Variants in PAPSS1 observed in about 807,000 individuals in gnomAD.
PAPSS1 encodes 3'-phosphoadenosine 5'-phosphosulfate synthase 1, also known as bifunctional 3'-phosphoadenosine 5'-phosphosulfate synthase 1.
In PAPSS1, 50 loss-of-function variants were observed where a neutral mutation model predicts 72.0. The observed-to-expected ratio is 0.69, with a 90% CI of 0.55 to 0.88. The LOEUF (loss-of-function observed/expected upper bound fraction) is 0.88, where lower values mean the gene tolerates loss of function less well. PAPSS1 is among the 40% of genes least tolerant of loss of function. The pLI is 0.00. For synonymous variants in PAPSS1, 261 were observed against 263.6 expected (o/e 0.99, Z 0.09); for missense variants, 657 against 782.2 (o/e 0.84, Z 1.91).
intron 1 of PAPSS1, among the ~76,000 whole-genome samples, chr4:107,704,638 T>C (rs1723289258): frequency 6.6e-6 from 1 of 152,200 alleles, no homozygotes; most frequent in South Asian, 2.1e-4. Flanking sequence ...TCTGTTAGTG[T>C]GGTGCATCAC....
intron 11 of PAPSS1, among the ~76,000 whole-genome samples, chr4:107,628,864 T>C (rs1007436532): frequency 1.3e-4 from 20 of 152,192 alleles, no homozygotes; most frequent in African/African-American, 4.8e-4. Flanking sequence ...TCAAGTTATA[T>C]AGCAAGGACA....
At chr4:107,617,298 C>G (rs1460220769) in intron 11 of PAPSS1, among the ~76,000 whole-genome samples, 1 of 150,330 alleles carries the variant, frequency 6.7e-6, no homozygotes, top group Non-Finnish European at 1.5e-5. Flanking sequence ...TTCTTACAAT[C>G]AACTTGACAC....
At chr4:107,708,037 T>C (rs1456862659) in intron 1 of PAPSS1, among the ~76,000 whole-genome samples, 1 of 152,196 alleles carries the variant, frequency 6.6e-6, no homozygotes, top group Non-Finnish European at 1.5e-5. Flanking sequence ...AAGGGACAAT[T>C]TGACAACTCT....
intron 11 of PAPSS1, among the ~76,000 whole-genome samples, chr4:107,628,749 G>A (rs1396193868): frequency 6.6e-6 from 1 of 152,180 alleles, no homozygotes; most frequent in Non-Finnish European, 1.5e-5. Flanking sequence ...ATAACTAGGT[G>A]CTATAGATAA....
At chr4:107,672,062 C>T (rs1256732585) in intron 5 of PAPSS1, among the ~76,000 whole-genome samples, 2 of 152,058 alleles carry the variant, frequency 1.3e-5, no homozygotes, top group Non-Finnish European at 2.9e-5. Flanking sequence ...ACTATAGTTC[C>T]AATAAAAATG....
chr4:107,686,714 C>T (rs945450948), intron 4 of PAPSS1, among the ~76,000 whole-genome samples: 7 of 152,170 alleles, frequency 4.6e-5, no homozygotes, highest in African/African-American at 1.7e-4. Context: ...TTCCCTGGAA[C>T]AAAGAAAGTA....
In PAPSS1 at chr4:107,656,947, T is replaced by G. The variant is rs1180288461; in HGVS notation, c.844A>C (p.Met282Leu). 2 of 1,613,928 alleles carry G rather than the reference T, an allele frequency of 1.2e-6. No homozygotes were observed. The highest frequency in any genetic ancestry group is 2.2e-5 in the South Asian group (2 of 91,080). ...EGWATPLNGF[M>L]REREYLQCLH... is the part of the protein sequence containing the mutation. ...CACTGCAAGTACTCCCTCTCTCTCA[T>G]AAAGCCATTCAATGGGGTTGCCCAA... The change falls in exon 7 of 12, where the codon ATG becomes CTG. Residue 282 changes from methionine (M) to leucine (L), a missense_variant. Met to Leu is a conservative substitution (Grantham distance 15). This residue lies in a region of PAPSS1 where 190 missense variants were observed against 176.7 expected (regional missense o/e 1.07). Coordinates refer to ENST00000265174, the MANE Select transcript of PAPSS1 (RefSeq NM_005443.5).
At chr4:107,694,273 G>A in intron 2 of PAPSS1, 1 of 387,188 alleles carries the variant, frequency 2.6e-6, no homozygotes, top group East Asian at 4.5e-5. Context: ...TGCGCCAGCT[G>A]GTCTCAAACT....
chr4:107,617,528 A>G (rs1725855036), intron 11 of PAPSS1, among the ~76,000 whole-genome samples: 1 of 152,102 alleles, frequency 6.6e-6, no homozygotes, highest in Admixed American at 6.5e-5. Context: ...GTGTTTTATA[A>G]TCTCATTTCT....
chr4:107,713,601 T>C (rs1723555456), intron 1 of PAPSS1, among the ~76,000 whole-genome samples: 1 of 151,672 alleles, frequency 6.6e-6, no homozygotes, highest in East Asian at 1.9e-4. Flanking sequence ...CTACTAAAAA[T>C]ACAAAAATTA....
Position 107,693,661 on chromosome 4 carries a change from G to A in PAPSS1, c.411+110C>T, listed in dbSNP as rs1056371767. 1.3e-5 allele frequency: 9 copies of A among 702,636 alleles called. No homozygotes were observed. The African/African-American group carries it at 1.4e-4, about 11-fold the overall frequency. 43.5% of individuals were successfully genotyped at this position (702,636 alleles called of 1,614,324 possible). ...GGAACAAAGAGATGGTAGCTGGGGAGGAGTAGAGTTAGCCTCAAAGCACAT... is the reference window on the plus strand; with the variant it reads ...GGAACAAAGAGATGGTAGCTGGGGAAGAGTAGAGTTAGCCTCAAAGCACAT... On this transcript the variant is annotated intron_variant, in intron 3 of 11. Coordinates refer to ENST00000265174, the MANE Select transcript of PAPSS1 (RefSeq NM_005443.5).
chr4:107,680,960 T>C (rs564212859), intron 5 of PAPSS1, among the ~76,000 whole-genome samples: 181 of 152,272 alleles, frequency 1.2e-3, no homozygotes, highest in Non-Finnish European at 2.5e-3. Flanking sequence ...AATGTTTGGA[T>C]AAAATAAATA....
chr4:107,705,327 G>A (rs1205371518), intron 1 of PAPSS1, among the ~76,000 whole-genome samples: 4 of 152,210 alleles, frequency 2.6e-5, no homozygotes, highest in African/African-American at 4.8e-5. Context: ...ATCAGATCAT[G>A]GGGGTGCTTT....
At chr4:107,653,893 A>G (rs1726926716) in intron 8 of PAPSS1, among the ~76,000 whole-genome samples, 1 of 152,242 alleles carries the variant, frequency 6.6e-6, no homozygotes, top group African/African-American at 2.4e-5. Context: ...TAACAAAAAC[A>G]TTCTTTTCGT....
At chr4:107,704,102 T>C (rs1334642856) in intron 1 of PAPSS1, among the ~76,000 whole-genome samples, 1 of 152,206 alleles carries the variant, frequency 6.6e-6, no homozygotes, top group Non-Finnish European at 1.5e-5. Flanking sequence ...ATTTTTCTGG[T>C]AGCAACTATA....
intron 11 of PAPSS1, among the ~76,000 whole-genome samples, chr4:107,622,098 G>C (rs1191343969): frequency 2.0e-5 from 3 of 152,104 alleles, no homozygotes; most frequent in Non-Finnish European, 2.9e-5. Context: ...CTCTGGTACT[G>C]ATACTTTACA....
chr4:107,618,156 G>A (rs1725870967), intron 11 of PAPSS1, among the ~76,000 whole-genome samples: 1 of 152,106 alleles, frequency 6.6e-6, no homozygotes, highest in Non-Finnish European at 1.5e-5. Flanking sequence ...CAAAAAGGTA[G>A]AAAGAGAACC....
chr4:107,719,695 C>G (rs2044637183), intron 1 of PAPSS1: 1 of 607,774 alleles, frequency 1.6e-6, no homozygotes, highest in African/African-American at 2.0e-5. Context: ...AAGAACGCGT[C>G]GAAGGCGCCC....
chr4:107,677,535 A>C (rs1284110656), intron 5 of PAPSS1, among the ~76,000 whole-genome samples: 1 of 152,234 alleles, frequency 6.6e-6, no homozygotes, highest in Non-Finnish European at 1.5e-5. Context: ...GTCAGGAAAC[A>C]ACAGGTGCTG....
Sources: gnomAD v4.1 joint callset for allele counts (sites outside exome capture counted in the v4.1 genomes callset) on GRCh38, gnomAD v4.1.1 for gene constraint, gnomAD v4.1.1 regional missense constraint, MANE v1.5 for transcripts, NCBI Gene and HGNC (gene_info 2026-07-23, HGNC 2026-07-21) for gene names.